RAD52: variants seen among roughly 807,000 people sequenced by gnomAD.
RAD52 encodes RAD52 DNA repair protein.
Under a neutral mutation model 55.5 loss-of-function variants are expected in RAD52, and 47 were observed. That is an observed-to-expected ratio of 0.85 (90% confidence interval 0.67 to 1.08). RAD52 has a LOEUF of 1.08. Ranked by LOEUF, RAD52 falls within the 50% of genes least tolerant of loss-of-function variation. The pLI, the probability that RAD52 is intolerant of heterozygous loss-of-function variation, is 0.00. For synonymous variants in RAD52, 184 were observed against 198.9 expected (o/e 0.92, Z 0.63); for missense variants, 468 against 522.8 (o/e 0.90, Z 1.02).
chr12:986,745 C>CTT (rs373962428), intron 1 of RAD52, among the ~76,000 whole-genome samples: 3,953 of 133,592 alleles, frequency 0.03, 75 homozygotes, highest in South Asian at 0.091. Flanking sequence ...ATCTTCTAAG[C>CTT]TTTTTTTTTT....
chr12:922,186 T>C (rs1259307018), intron 7 of RAD52, among the ~76,000 whole-genome samples: 3 of 80,972 alleles, frequency 3.7e-5, no homozygotes, highest in African/African-American at 5.0e-5. Context: ...CCCATTAGGT[T>C]GGCTTAAAAA....
chr12:916,790 T>C lies in RAD52; in HGVS notation c.574A>G (p.Lys192Glu). ...ACAGACGGTTCAAGATCTTGTCTCTTCGCTTTAGTTAAATCCACTTCAAGA... is the reference window on the plus strand; with the variant it reads ...ACAGACGGTTCAAGATCTTGTCTCTCCGCTTTAGTTAAATCCACTTCAAGA... ...LPLEVDLTKA[K>E]RQDLEPSVEE... The change falls in exon 8 of 12, where the codon AAG becomes GAG. Residue 192 changes from lysine to glutamate, a missense_variant. By Grantham distance (56) the Lys-to-Glu change is moderately conservative (BLOSUM62 1). Coordinates refer to ENST00000358495, the MANE Select transcript of RAD52 (RefSeq NM_134424.4). 1 of 1,612,104 alleles carries C rather than the reference T, an allele frequency of 6.2e-7. No homozygotes were observed. The highest frequency in any genetic ancestry group is 8.5e-7 in the Non-Finnish European group (1 of 1,178,328).
intron 7 of RAD52, among the ~76,000 whole-genome samples, chr12:923,876 G>A (rs1956873306): frequency 6.6e-6 from 1 of 150,726 alleles, no homozygotes; most frequent in Admixed American, 6.6e-5. Flanking sequence ...TGGCCAACAG[G>A]ACGAAACCCC....
intron 1 of RAD52, among the ~76,000 whole-genome samples, chr12:943,007 A>G (rs1958000459): frequency 6.6e-6 from 1 of 152,198 alleles, no homozygotes; most frequent in Non-Finnish European, 1.5e-5. Flanking sequence ...ACACAACCCA[A>G]TGTAAAATGG....
chr12:954,957 G>A (rs2154120310), intron 1 of RAD52, among the ~76,000 whole-genome samples: 1 of 152,294 alleles, frequency 6.6e-6, no homozygotes, highest in Admixed American at 6.5e-5. Context: ...TACAGAGAAA[G>A]ACTCTGACTC....
At chr12:973,125 A>C (rs1030121438) in intron 1 of RAD52, among the ~76,000 whole-genome samples, 3 of 152,194 alleles carry the variant, frequency 2.0e-5, no homozygotes, top group Non-Finnish European at 4.4e-5. Flanking sequence ...GCTGGAGTGC[A>C]GTGGCGCGAT....
intron 7 of RAD52, among the ~76,000 whole-genome samples, chr12:924,304 G>A (rs961255770): frequency 6.6e-6 from 1 of 151,738 alleles, no homozygotes; most frequent in African/African-American, 2.4e-5. Flanking sequence ...CAGCTACTCA[G>A]GAGGCTGAGG....
chr12:940,153 C>T (rs1464264847), intron 1 of RAD52, among the ~76,000 whole-genome samples: 3 of 151,772 alleles, frequency 2.0e-5, no homozygotes, highest in Admixed American at 1.3e-4. Flanking sequence ...AGAAAACTCA[C>T]GGTAAGTATG....
chr12:951,577 A>T (rs1285710156), upstream of RAD52, among the ~76,000 whole-genome samples: 2 of 151,950 alleles, frequency 1.3e-5, no homozygotes, highest in African/African-American at 2.4e-5. Context: ...TGATTTTGGT[A>T]ATTTGTGTCC....
chr12:925,125 T>G (rs1315659633), intron 7 of RAD52, among the ~76,000 whole-genome samples: 2 of 151,968 alleles, frequency 1.3e-5, no homozygotes, highest in Non-Finnish European at 2.9e-5. Context: ...TAATTTTTTG[T>G]ATTTTTAGTA....
intron 3 of RAD52, among the ~76,000 whole-genome samples, chr12:930,962 C>A (rs1957294846): frequency 7.1e-6 from 1 of 141,488 alleles, no homozygotes; most frequent in Non-Finnish European, 1.5e-5. Context: ...CAGAGCAAGA[C>A]CCTGTCTTTA....
intron 1 of RAD52, among the ~76,000 whole-genome samples, chr12:981,983 T>C (rs1959023379): frequency 6.6e-6 from 1 of 152,154 alleles, no homozygotes; most frequent in Admixed American, 6.5e-5. Context: ...TCTGAGGCAC[T>C]GGATGGCAGC....
intron 5 of RAD52, among the ~76,000 whole-genome samples, chr12:927,560 G>GT (rs1318976306): frequency 6.6e-6 from 1 of 151,998 alleles, no homozygotes; most frequent in East Asian, 1.9e-4. Context: ...TCACCCTAAG[G>GT]TAAAAAAAAC....
intron 1 of RAD52, among the ~76,000 whole-genome samples, chr12:949,098 C>T (rs765546403): frequency 6.6e-6 from 1 of 152,072 alleles, no homozygotes; most frequent in Non-Finnish European, 1.5e-5. Context: ...CTCTGTCGCC[C>T]GGGACGGAGT....
intron 1 of RAD52, among the ~76,000 whole-genome samples, chr12:979,357 C>T (rs1339063186): frequency 1.3e-5 from 2 of 152,012 alleles, no homozygotes; most frequent in African/African-American, 4.8e-5. Flanking sequence ...ATAAGAATCG[C>T]TTGAACCTGG....
chr12:983,555 G>A (rs1959048115), intron 1 of RAD52, among the ~76,000 whole-genome samples: 1 of 151,910 alleles, frequency 6.6e-6, no homozygotes, highest in South Asian at 2.1e-4. Flanking sequence ...AAGTAGCTAG[G>A]ATTACAGGTG....
At chr12:987,378 T>TC in intron 1 of RAD52, among the ~76,000 whole-genome samples, 1 of 148,186 alleles carries the variant, frequency 6.7e-6, no homozygotes, top group African/African-American at 2.4e-5. Flanking sequence ...ATTTTTTTTT[T>TC]CTTTTGGTTC....
rs529069804 is a variant in RAD52, at chr12:938,099, G to A, written c.-18-5023C>T. Among the ~76,000 whole-genome samples the A allele has an allele frequency of 3.9e-5, 6 of 152,156 alleles. No individual in the cohort carries two copies. The South Asian group carries it at 6.2e-4, about 16-fold the overall frequency. Reference sequence around the variant, plus strand: ...GACTAATCTCCAAATAAACTACTTGGGAATAAAAAGGAGGGCGGCAAAAGA... The same window carrying A: ...GACTAATCTCCAAATAAACTACTTGAGAATAAAAAGGAGGGCGGCAAAAGA... On this transcript the variant is annotated intron_variant, in intron 1 of 11. Coordinates refer to ENST00000358495, the MANE Select transcript of RAD52 (RefSeq NM_134424.4).
At chr12:941,987 A>G (rs534259223) in intron 1 of RAD52, among the ~76,000 whole-genome samples, 1 of 152,312 alleles carries the variant, frequency 6.6e-6, no homozygotes, top group African/African-American at 2.4e-5. Context: ...CACCAAGTTC[A>G]TATATTTGAA....
Sources: allele counts gnomAD v4.1 joint callset (sites outside exome capture counted in the v4.1 genomes callset), GRCh38; gene constraint gnomAD v4.1.1; transcripts MANE v1.5; gene names NCBI Gene and HGNC (gene_info 2026-07-23, HGNC 2026-07-21).